FHOD3: variants seen among roughly 807,000 people sequenced by gnomAD.
FHOD3 encodes the protein formin homology 2 domain containing 3, also known as FH1/FH2 domain-containing protein 3.
In FHOD3, 90 loss-of-function variants were observed where a neutral mutation model predicts 173.0. That is an observed-to-expected ratio of 0.52 (90% CI 0.44 to 0.62). The LOEUF (loss-of-function observed/expected upper bound fraction) is 0.62. Among genes scored for constraint, FHOD3 ranks in the 20% least tolerant of loss-of-function variants. The pLI is 0.00. For missense variants in FHOD3, 1,945 were observed against 2,034.7 expected (o/e 0.96, Z 0.85); for synonymous variants, 828 against 823.0 (o/e 1.01, Z -0.10).
intron 1 of FHOD3, among the ~76,000 whole-genome samples, chr18:36,335,342 A>C (rs559099582): frequency 6.6e-6 from 1 of 151,850 alleles, no homozygotes; most frequent in East Asian, 1.9e-4. Context: ...AAAAATACAA[A>C]AAATTAGCCG....
intron 3 of FHOD3, among the ~76,000 whole-genome samples, chr18:36,438,497 C>T (rs1362867701): frequency 6.6e-6 from 1 of 152,180 alleles, no homozygotes; most frequent in Non-Finnish European, 1.5e-5. Context: ...CTGCCCAGAT[C>T]CCTGGCCCTC....
At chr18:36,335,630 A>T (rs59190959) in intron 1 of FHOD3, among the ~76,000 whole-genome samples, 15,936 of 152,238 alleles carry the variant, frequency 0.1, 2,801 homozygotes, top group African/African-American at 0.36. Flanking sequence ...GGCCTAGTAG[A>T]AATGGCTGTG....
chr18:36,695,604 A>G (rs1372048520), intron 17 of FHOD3, among the ~76,000 whole-genome samples: 1 of 152,214 alleles, frequency 6.6e-6, no homozygotes, highest in Non-Finnish European at 1.5e-5. Context: ...TATGTTAAGT[A>G]ATCAGGATCC....
At chr18:36,557,363 A>G (rs1174828412) in intron 5 of FHOD3, among the ~76,000 whole-genome samples, 1 of 149,986 alleles carries the variant, frequency 6.7e-6, no homozygotes, top group Non-Finnish European at 1.5e-5. Flanking sequence ...CTGTGTTTTT[A>G]TTTTGGTTTG....
At chr18:36,614,911 T>C (rs2033058078) in intron 9 of FHOD3, among the ~76,000 whole-genome samples, 1 of 147,186 alleles carries the variant, frequency 6.8e-6, no homozygotes, top group Non-Finnish European at 1.5e-5. Flanking sequence ...AGTGCAATGA[T>C]GCAATCTCGG....
intron 24 of FHOD3, among the ~76,000 whole-genome samples, chr18:36,752,169 T>C (rs1382183243): frequency 6.6e-6 from 1 of 152,164 alleles, no homozygotes; most frequent in Admixed American, 6.6e-5. Context: ...CCGCCCCCTA[T>C]GATTCAATTG....
intron 10 of FHOD3, among the ~76,000 whole-genome samples, chr18:36,646,943 A>G (rs1000396355): frequency 2.6e-5 from 4 of 152,232 alleles, no homozygotes; most frequent in African/African-American, 9.6e-5. Flanking sequence ...ATGATATTAA[A>G]AACACTTCTT....
At chr18:36,471,304 C>T (rs2053270642) in intron 3 of FHOD3, among the ~76,000 whole-genome samples, 1 of 152,180 alleles carries the variant, frequency 6.6e-6, no homozygotes, top group African/African-American at 2.4e-5. Flanking sequence ...CACACCCCAG[C>T]TCTGGGTCCT....
chr18:36,691,544 CT>C (rs1444691243), intron 16 of FHOD3, among the ~76,000 whole-genome samples: 1 of 151,994 alleles, frequency 6.6e-6, no homozygotes, highest in African/African-American at 2.4e-5. Context: ...AGCCAAGTGG[CT>C]TTTTCTTGCT....
chr18:36,408,921 G>A (rs1037865061), intron 3 of FHOD3, among the ~76,000 whole-genome samples: 2 of 152,134 alleles, frequency 1.3e-5, no homozygotes, highest in East Asian at 3.9e-4. Context: ...TCACAATGGC[G>A]ATAGGTTGAC....
chr18:36,763,096 G>A (rs918441173), intron 27 of FHOD3, among the ~76,000 whole-genome samples: 35 of 145,784 alleles, frequency 2.4e-4, no homozygotes, highest in Non-Finnish European at 4.8e-4. Context: ...TATAATATGC[G>A]TATTATACAC....
intron 17 of FHOD3, among the ~76,000 whole-genome samples, chr18:36,701,278 T>C (rs1175616581): frequency 6.6e-6 from 1 of 152,166 alleles, no homozygotes; most frequent in Non-Finnish European, 1.5e-5. Context: ...ACTGAATAAA[T>C]GATGTTGGTA....
intron 17 of FHOD3, among the ~76,000 whole-genome samples, chr18:36,705,722 T>C (rs1178168669): frequency 6.6e-6 from 1 of 152,286 alleles, no homozygotes; most frequent in East Asian, 1.9e-4. Flanking sequence ...GAAAGGCTCA[T>C]TAAATTCTGG....
At chr18:36,729,176 T>C (rs2041226618) in intron 19 of FHOD3, among the ~76,000 whole-genome samples, 1 of 152,148 alleles carries the variant, frequency 6.6e-6, no homozygotes, top group Non-Finnish European at 1.5e-5. Context: ...GCTGAATGTG[T>C]CTTCAGGAGA....
At chr18:36,411,863 G>C (rs2049367599) in intron 3 of FHOD3, among the ~76,000 whole-genome samples, 1 of 152,242 alleles carries the variant, frequency 6.6e-6, no homozygotes, top group Admixed American at 6.5e-5. Flanking sequence ...CCATTTGGGA[G>C]ATTGACCTGC....
At chr18:36,523,959 C>T (rs1288821449) in intron 5 of FHOD3, among the ~76,000 whole-genome samples, 1 of 152,098 alleles carries the variant, frequency 6.6e-6, no homozygotes, top group Non-Finnish European at 1.5e-5. Flanking sequence ...TCATTGAAAA[C>T]AATGGTGAAC....
intron 10 of FHOD3, among the ~76,000 whole-genome samples, chr18:36,630,818 G>A (rs994331709): frequency 1.3e-5 from 2 of 152,214 alleles, no homozygotes; most frequent in Non-Finnish European, 2.9e-5. Context: ...TTTTTTCCAT[G>A]TAAGTTACAC....
At chr18:36,482,661 T>C (rs1291172783) in intron 3 of FHOD3, among the ~76,000 whole-genome samples, 1 of 152,098 alleles carries the variant, frequency 6.6e-6, no homozygotes, top group Non-Finnish European at 1.5e-5. Context: ...ACCAGGACTT[T>C]TTGGTTTGTC....
chr18:36,417,557 T>A (rs2049734238), intron 3 of FHOD3, among the ~76,000 whole-genome samples: 1 of 152,242 alleles, frequency 6.6e-6, no homozygotes, highest in Non-Finnish European at 1.5e-5. Context: ...ATAGAATGAC[T>A]TATATTCCTT....
Sources: gnomAD v4.1 joint callset for allele counts (sites outside exome capture counted in the v4.1 genomes callset) on GRCh38, gnomAD v4.1.1 for gene constraint, MANE v1.5 for transcripts, NCBI Gene and HGNC (gene_info 2026-07-23, HGNC 2026-07-21) for gene names.